The following CNTN4 variants were observed in gnomAD, a reference collection of about 807,000 sequenced individuals.
CNTN4 encodes contactin-4.
Under a neutral mutation model 122.5 loss-of-function variants are expected in CNTN4, and 77 were observed. The observed-to-expected ratio is 0.63, with a 90% confidence interval of 0.52 to 0.76. The LOEUF (loss-of-function observed/expected upper bound fraction) is 0.76, where lower values mean the gene tolerates loss of function less well. Ranked by LOEUF, CNTN4 falls within the 30% of genes least tolerant of loss-of-function variation. The probability of loss-of-function intolerance (pLI) is 0.00; values close to 1 mark genes in which losing one functional copy is unlikely to be tolerated. For synonymous variants in CNTN4, 512 were observed against 447.0 expected, an observed-to-expected ratio of 1.15 and a Z score of -1.83; for missense variants, 1,256 against 1,259.1, an observed-to-expected ratio of 1.00 and a Z score of 0.04.
intron 2 of CNTN4, among the ~76,000 whole-genome samples, chr3:2,159,162 A>G (rs1435450017): frequency 1.3e-5 from 2 of 152,148 alleles, no homozygotes; most frequent in Non-Finnish European, 2.9e-5. Flanking sequence ...AGAGTTGTGT[A>G]AGATTGATGC....
At chr3:2,127,694 T>C (rs778343910) in intron 2 of CNTN4, among the ~76,000 whole-genome samples, 2 of 152,158 alleles carry the variant, frequency 1.3e-5, no homozygotes, top group African/African-American at 4.8e-5. Context: ...CCAATTTCAA[T>C]TTAGCTGCTC....
At chr3:2,303,297 A>T (rs1416343627) in intron 2 of CNTN4, among the ~76,000 whole-genome samples, 1 of 152,144 alleles carries the variant, frequency 6.6e-6, no homozygotes, top group Non-Finnish European at 1.5e-5. Context: ...TATAATACTA[A>T]TTCATCATTA....
chr3:2,533,563 C>A (rs2077682107), intron 3 of CNTN4, among the ~76,000 whole-genome samples: 1 of 152,102 alleles, frequency 6.6e-6, no homozygotes, highest in South Asian at 2.1e-4. Flanking sequence ...GGTTCCAAGT[C>A]TTTGCTATTG....
intron 3 of CNTN4, among the ~76,000 whole-genome samples, chr3:2,551,167 G>A (rs1479061863): frequency 6.6e-6 from 1 of 152,046 alleles, no homozygotes; most frequent in Non-Finnish European, 1.5e-5. Context: ...AGAGGTCTGT[G>A]GAGCATGTTG....
At chr3:2,108,994 G>C (rs76615950) in intron 2 of CNTN4, among the ~76,000 whole-genome samples, 4,792 of 152,286 alleles carry the variant, frequency 0.031, 251 homozygotes, top group African/African-American at 0.11. Context: ...ATGTTACTCA[G>C]AGTTTGTGAT....
At chr3:2,629,625 C>T in intron 4 of CNTN4, 1 of 430,054 alleles carries the variant, frequency 2.3e-6, no homozygotes, top group South Asian at 1.7e-5. Flanking sequence ...GTTACAGCAC[C>T]AGCTTTCTTA....
chr3:2,617,718 G>A (rs2081826719), intron 4 of CNTN4, among the ~76,000 whole-genome samples: 1 of 151,904 alleles, frequency 6.6e-6, no homozygotes, highest in Non-Finnish European at 1.5e-5. Context: ...ACTGGTGGCC[G>A]ACCCGAGAAA....
At chr3:2,386,611 C>A (rs1263757493) in intron 3 of CNTN4, among the ~76,000 whole-genome samples, 8 of 149,266 alleles carry the variant, frequency 5.4e-5, no homozygotes, top group South Asian at 2.1e-4. Flanking sequence ...ATGTTTGAAG[C>A]TAGAAAATTT....
intron 3 of CNTN4, among the ~76,000 whole-genome samples, chr3:2,351,885 A>G (rs1449196853): frequency 6.6e-6 from 1 of 152,124 alleles, no homozygotes; most frequent in Non-Finnish European, 1.5e-5. Flanking sequence ...CAAGAGGAAT[A>G]GGTTTTGAGA....
At chr3:2,986,284 T>C (rs1339934094) in intron 13 of CNTN4, among the ~76,000 whole-genome samples, 1 of 152,200 alleles carries the variant, frequency 6.6e-6, no homozygotes, top group Non-Finnish European at 1.5e-5. Context: ...CTAGGAACCT[T>C]ACTGACCCTA....
chr3:2,262,728 A>G (rs944357101), intron 2 of CNTN4, among the ~76,000 whole-genome samples: 6 of 151,322 alleles, frequency 4.0e-5, no homozygotes, highest in African/African-American at 7.3e-5. Flanking sequence ...TTTAAATACT[A>G]TACTTAGTTA....
intron 13 of CNTN4, among the ~76,000 whole-genome samples, chr3:2,981,923 A>G (rs1694059022): frequency 1.3e-5 from 2 of 152,028 alleles, no homozygotes; most frequent in Non-Finnish European, 2.9e-5. Context: ...GTACATGCCT[A>G]GCTATCAGGG....
chr3:2,778,139 A>G (rs1973685), intron 6 of CNTN4, among the ~76,000 whole-genome samples: 11,511 of 114,378 alleles, frequency 0.1, 1,669 homozygotes, highest in Middle Eastern at 0.17. Context: ...GCGGGAACCC[A>G]GGAAGCGGAG....
chr3:2,898,947 G>A (rs2094143436), intron 10 of CNTN4, among the ~76,000 whole-genome samples: 1 of 152,156 alleles, frequency 6.6e-6, no homozygotes, highest in African/African-American at 2.4e-5. Flanking sequence ...TAAAGAACAA[G>A]GAAGACTTGC....
At chr3:2,349,918 G>C (rs1170770979) in intron 3 of CNTN4, among the ~76,000 whole-genome samples, 1 of 152,152 alleles carries the variant, frequency 6.6e-6, no homozygotes, top group African/African-American at 2.4e-5. Context: ...AACTTTATAT[G>C]AACAGGATGA....
intron 2 of CNTN4, among the ~76,000 whole-genome samples, chr3:2,319,561 G>A (rs924986167): frequency 6.6e-6 from 1 of 150,994 alleles, no homozygotes; most frequent in African/African-American, 2.4e-5. Flanking sequence ...TGAGGGTGAA[G>A]ACCTTTGTGA....
chr3:2,902,757 T>C, intron 11 of CNTN4, 119 bp from the exon 12 acceptor site: 1 of 1,014,518 alleles, frequency 9.9e-7, no homozygotes, highest in African/African-American at 1.6e-5. Flanking sequence ...TTATGTAAAT[T>C]GCTTATATGA....
intron 12 of CNTN4, among the ~76,000 whole-genome samples, chr3:2,909,218 C>T (rs2094272232): frequency 6.6e-6 from 1 of 152,098 alleles, no homozygotes; most frequent in Non-Finnish European, 1.5e-5. Flanking sequence ...GTCATCCAGG[C>T]AAGAGCTTTA....
intron 6 of CNTN4, among the ~76,000 whole-genome samples, chr3:2,779,174 C>T (rs1168856856): frequency 6.6e-6 from 1 of 152,112 alleles, no homozygotes; most frequent in Non-Finnish European, 1.5e-5. Context: ...TTAATAACAT[C>T]ACGATGTTGA....
Sources: allele counts gnomAD v4.1 joint callset (sites outside exome capture counted in the v4.1 genomes callset), GRCh38; gene constraint gnomAD v4.1.1; transcripts MANE v1.5; gene names NCBI Gene and HGNC (gene_info 2026-07-23, HGNC 2026-07-21).